The following CCDC60 variants were observed in gnomAD, a reference collection of about 807,000 sequenced individuals.
CCDC60 encodes coiled-coil domain-containing protein 60.
In CCDC60, 54 loss-of-function variants were observed where a neutral mutation model predicts 63.5. The observed-to-expected ratio is 0.85, with a 90% confidence interval of 0.68 to 1.07. CCDC60 has a LOEUF of 1.07. Ranked by LOEUF, CCDC60 falls within the 50% of genes least tolerant of loss-of-function variation. CCDC60 has a pLI of 0.00. For synonymous variants in CCDC60, 206 were observed against 238.8 expected (o/e 0.86, Z 1.27); for missense variants, 651 against 684.3 (o/e 0.95, Z 0.54).
chr12:119,338,050 A>G (rs1447957120), intron 1 of CCDC60, among the ~76,000 whole-genome samples: 2 of 152,146 alleles, frequency 1.3e-5, no homozygotes, highest in African/African-American at 4.8e-5. Context: ...GCTTCCAGGA[A>G]ACTGTTGGAT....
At position 119,479,141 on chromosome 12, in the gene CCDC60, G is replaced by A. The variant is rs560809600; in HGVS notation, c.389G>A (p.Arg130His). 5.6e-6 allele frequency: 9 copies of A among 1,614,000 alleles called. No individual in the cohort carries two copies. The highest frequency in any genetic ancestry group is 1.6e-4 in the Middle Eastern group (1 of 6,062). ...AAGACACTGGGAGCTAGAGTCACACGTCGCCCATTCACTCCCATCCACAGC... is the reference window on the plus strand; with the variant it reads ...AAGACACTGGGAGCTAGAGTCACACATCGCCCATTCACTCCCATCCACAGC... ...KLKTLGARVT[R>H]RPFTPIHSCI... Residue 130 changes from arginine (R) to histidine (H), a missense_variant, in exon 4 of 14, where the codon CGT becomes CAT. By Grantham distance (29) the Arg-to-His change is conservative (BLOSUM62 0). Transcript: ENST00000327554.
rs369401301 is a variant in CCDC60 at position 119,531,014 on chromosome 12, A to G, written c.1502A>G (p.Asp501Gly). 6.2e-7 allele frequency: 1 copy of G among 1,614,140 alleles called. No homozygotes were observed. Among genetic ancestry groups the G allele is most frequent in the African/African-American group, 1.3e-5 (1 of 75,056 alleles). The change falls in exon 13 of 14, where the codon GAT becomes GGT. Residue 501 changes from aspartate (D) to glycine (G), a missense_variant. By Grantham distance (94) the Asp-to-Gly change is moderately conservative. Transcript: ENST00000327554. ...CATGTCCTCCTGAAGGTGCTGCAGG[A>G]TCTGAGGATTTGGGAACTGTGCTCC... ...RPHVLLKVLQ[D>G]LRIWELCSPD...
At chr12:119,338,748 C>T (rs7972234) in intron 1 of CCDC60, among the ~76,000 whole-genome samples, 12,147 of 152,240 alleles carry the variant, frequency 0.08, 629 homozygotes, top group Middle Eastern at 0.18. Flanking sequence ...AAATGCCAGG[C>T]GGCCCGGTAA....
rs995859127 is a variant in CCDC60 at position 119,410,798 on chromosome 12, G to A, written c.91-17885G>A. On this transcript the variant is annotated intron_variant, in intron 1 of 13. Coordinates refer to ENST00000327554, the MANE Select transcript of CCDC60 (RefSeq NM_178499.5). This position sits in a 1 kb window ranked among gnomAD's most constrained non-coding sequence, Gnocchi z 4.0. ...CGCTCTGTCACTCGGGCTGCAGTGC[G>A]GTGGCGCGATCTCAGCTCACTGCAG... 3.3e-5 allele frequency among the ~76,000 whole-genome samples: 5 copies of A among 152,090 alleles called. No individual in the cohort carries two copies. The highest frequency in any genetic ancestry group is 5.9e-5 in the Non-Finnish European group (4 of 68,028).
intron 2 of CCDC60, among the ~76,000 whole-genome samples, chr12:119,449,830 G>A (rs184958641): frequency 1.3e-5 from 2 of 152,160 alleles, no homozygotes; most frequent in Non-Finnish European, 2.9e-5. Context: ...TGGTGGCGGG[G>A]GCGGGCAGGT....
intron 3 of CCDC60, among the ~76,000 whole-genome samples, chr12:119,478,131 T>G (rs1324842443): frequency 6.6e-6 from 1 of 151,926 alleles, no homozygotes; most frequent in Non-Finnish European, 1.5e-5. Context: ...CTGGCCAACA[T>G]AGCAAAACCC....
intron 2 of CCDC60, among the ~76,000 whole-genome samples, chr12:119,446,860 G>A (rs145373421): frequency 6.6e-6 from 1 of 152,226 alleles, no homozygotes; most frequent in African/African-American, 2.4e-5. Flanking sequence ...AAAGTCACAG[G>A]GAGTTGGTGG....
Position 119,398,774 on chromosome 12 carries a change from C to T in CCDC60, c.91-29909C>T, listed in dbSNP as rs544671719. On this transcript the variant is annotated intron_variant, in intron 1 of 13. Coordinates refer to ENST00000327554, the MANE Select transcript of CCDC60 (RefSeq NM_178499.5). ...TTTATAGTCTTAAGATTGTTTAATGCGTACTGACTCTTTGTAGTAAGGTTT... is the reference window on the plus strand; with the variant it reads ...TTTATAGTCTTAAGATTGTTTAATGTGTACTGACTCTTTGTAGTAAGGTTT... 4.6e-5 allele frequency among the ~76,000 whole-genome samples: 7 copies of T among 152,282 alleles called. No homozygotes were observed. The East Asian group carries it at 1.4e-3, about 29-fold the overall frequency.
chr12:119,496,153 C>T (rs1370475030), intron 5 of CCDC60, among the ~76,000 whole-genome samples: 3 of 152,148 alleles, frequency 2.0e-5, no homozygotes, highest in Non-Finnish European at 4.4e-5. Context: ...ACCTCTGCCC[C>T]CGCCCTGCTG....
At chr12:119,368,257 G>A in intron 1 of CCDC60, among the ~76,000 whole-genome samples, 1 of 151,924 alleles carries the variant, frequency 6.6e-6, no homozygotes, top group East Asian at 1.9e-4. Context: ...AGATAGAAAA[G>A]AAGAAGACGG....
intron 1 of CCDC60, among the ~76,000 whole-genome samples, chr12:119,374,097 G>A (rs1337820441): frequency 1.3e-5 from 2 of 151,870 alleles, no homozygotes; most frequent in African/African-American, 4.8e-5. Flanking sequence ...GCAGTTTTCT[G>A]TGCTGGTTAG....
chr12:119,469,271 G>T (rs1951011289), intron 2 of CCDC60, among the ~76,000 whole-genome samples: 1 of 152,016 alleles, frequency 6.6e-6, no homozygotes, highest in African/African-American at 2.4e-5. Context: ...TTTTGAGATG[G>T]AGTCTCACTC....
At chr12:119,539,753 C>T (rs972149698) in intron 13 of CCDC60, among the ~76,000 whole-genome samples, 2 of 152,240 alleles carry the variant, frequency 1.3e-5, no homozygotes, top group African/African-American at 4.8e-5. Flanking sequence ...CTGCAGCTAG[C>T]TTGGTGTCTG....
chr12:119,482,859 G>A (rs998409541), intron 4 of CCDC60, among the ~76,000 whole-genome samples: 1 of 152,106 alleles, frequency 6.6e-6, no homozygotes, highest in Non-Finnish European at 1.5e-5. Context: ...TCATTCATAA[G>A]TCTTGGTTAG....
intron 11 of CCDC60, among the ~76,000 whole-genome samples, chr12:119,527,647 T>C (rs534851439): frequency 8.3e-6 from 1 of 119,882 alleles, no homozygotes; most frequent in South Asian, 2.7e-4. Context: ...GACTTTGTTT[T>C]TTCTTTCTTT....
intron 2 of CCDC60, among the ~76,000 whole-genome samples, chr12:119,431,098 C>T (rs537563320): frequency 1.2e-4 from 18 of 152,246 alleles, no homozygotes; most frequent in Admixed American, 5.2e-4. Flanking sequence ...TCACCTTACC[C>T]GAATTTGTAA....
chr12:119,353,559 T>C (rs1955681147), intron 1 of CCDC60, among the ~76,000 whole-genome samples: 1 of 149,998 alleles, frequency 6.7e-6, no homozygotes, highest in Non-Finnish European at 1.5e-5. Flanking sequence ...TATGTTTCTC[T>C]CCTTCTCTCT....
chr12:119,423,192 C>T (rs1388521164), intron 1 of CCDC60, among the ~76,000 whole-genome samples: 1 of 151,846 alleles, frequency 6.6e-6, no homozygotes, highest in Non-Finnish European at 1.5e-5. Context: ...TTTGGGGGGG[C>T]GAGGCGCATG....
At chr12:119,491,656 C>G (rs1170831514) in intron 5 of CCDC60, among the ~76,000 whole-genome samples, 7 of 152,006 alleles carry the variant, frequency 4.6e-5, no homozygotes, top group Admixed American at 4.6e-4. Flanking sequence ...TGCCCAGTTA[C>G]AAGTGTTTCT....
Sources: gnomAD v4.1 joint callset for allele counts (sites outside exome capture counted in the v4.1 genomes callset) on GRCh38, gnomAD v4.1.1 for gene constraint, Gnocchi (gnomAD v3.1) non-coding constraint, MANE v1.5 for transcripts, NCBI Gene and HGNC (gene_info 2026-07-23, HGNC 2026-07-21) for gene names.